TGM4: variants seen among roughly 807,000 people sequenced by gnomAD.
The protein encoded by TGM4 is protein-glutamine gamma-glutamyltransferase 4.
A neutral mutation model predicts 76.3 loss-of-function variants in TGM4; 61 were observed. The observed-to-expected ratio is 0.80, with a 90% CI of 0.65 to 0.99. TGM4 has a LOEUF of 0.99. Among genes scored for constraint, TGM4 ranks in the 50% least tolerant of loss-of-function variants. The pLI is 0.00. For synonymous variants in TGM4, 337 were observed against 329.8 expected, an observed-to-expected ratio of 1.02 and a Z score of -0.24; for missense variants, 794 against 843.2, an observed-to-expected ratio of 0.94 and a Z score of 0.72.
At chr3:44,902,650 A>G (rs1324016435) in intron 8 of TGM4, among the ~76,000 whole-genome samples, 2 of 121,522 alleles carry the variant, frequency 1.6e-5, no homozygotes, top group African/African-American at 6.2e-5. Context: ...AGATTCCTGT[A>G]CTGGAGCTTT....
intron 10 of TGM4, among the ~76,000 whole-genome samples, chr3:44,908,359 A>G (rs1699953701): frequency 6.6e-6 from 1 of 151,812 alleles, no homozygotes; most frequent in Non-Finnish European, 1.5e-5. Context: ...GATTAAAAGC[A>G]ATTAGGTCAG....
intron 6 of TGM4, among the ~76,000 whole-genome samples, chr3:44,901,197 A>G (rs776072372): frequency 6.6e-6 from 1 of 152,216 alleles, no homozygotes; most frequent in African/African-American, 2.4e-5. Context: ...CCGAGCTCAC[A>G]CCACTGTACT....
rs758057520 is a variant in TGM4 at position 44,893,579 on chromosome 3, G to A, written c.433G>A (p.Asp145Asn). The change falls in exon 5 of 14, where the codon GAC becomes AAC. Residue 145 changes from aspartate (D) to asparagine (N), a missense_variant and splice_region_variant. Coordinates refer to ENST00000296125, the MANE Select transcript of TGM4 (RefSeq NM_003241.4). ...GTGGATGTGTGGTCTTGCTTCAGAG[G>A]ACATGGTTTTCATGCCTGATGAGGA... ...YLLFNPWCKE[D>N]MVFMPDEDER... The A allele has an allele frequency of 6.2e-7, 1 of 1,613,560 alleles. No homozygotes were observed. The highest frequency in any genetic ancestry group is 1.7e-5 in the Admixed American group (1 of 60,012).
intron 6 of TGM4, among the ~76,000 whole-genome samples, chr3:44,900,036 C>G (rs895392692): frequency 1.3e-5 from 2 of 152,182 alleles, no homozygotes; most frequent in Non-Finnish European, 2.9e-5. Flanking sequence ...TCGGTGACTG[C>G]CTACCATGCC....
In TGM4 at chr3:44,914,974, A is replaced by G. The variant is rs1700069212; in HGVS notation, c.*1249A>G. ...CTGGCATACAGTAGGTGTTCAATAAATGTTTATTGAAGGAAAGGTGACTGT... is the reference window on the plus strand; with the variant it reads ...CTGGCATACAGTAGGTGTTCAATAAGTGTTTATTGAAGGAAAGGTGACTGT... On this transcript the variant is annotated 3_prime_UTR_variant, in exon 14 of 14. Coordinates refer to ENST00000296125, the MANE Select transcript of TGM4 (RefSeq NM_003241.4). 1 of 152,168 alleles carries G rather than the reference A, an allele frequency of 6.6e-6. No individual in the cohort carries two copies. Among genetic ancestry groups the G allele is most frequent in the South Asian group, 2.1e-4 (1 of 4,826 alleles). 9.4% of individuals were successfully genotyped at this position (152,168 alleles called of 1,614,324 possible). A position where few individuals can be genotyped will look rare whatever the true frequency, so the allele number is the denominator to read the frequency against.
At chr3:44,901,286 C>A (rs1280979690) in intron 6 of TGM4, among the ~76,000 whole-genome samples, 1 of 152,202 alleles carries the variant, frequency 6.6e-6, no homozygotes, top group Admixed American at 6.5e-5. Context: ...TAATGATCAT[C>A]ATTTTACAAG....
Position 44,901,855 on chromosome 3 carries a change from G to A in TGM4, c.895G>A (p.Glu299Lys). ...AGGCTTCGATTCAGCTCACGACACA[G>A]AAAGGAACCTCACGGTGGACACCTA... ...VTGFDSAHDT[E>K]RNLTVDTYVN... The change falls in exon 8 of 14, where the codon GAA (glutamate) becomes AAA (lysine). Residue 299 changes from glutamate (E) to lysine (K), a missense_variant. Glu to Lys is a moderately conservative substitution (Grantham distance 56, BLOSUM62 1). Coordinates refer to ENST00000296125, the MANE Select transcript of TGM4 (RefSeq NM_003241.4). 1 of 1,614,182 alleles carries A rather than the reference G, an allele frequency of 6.2e-7. No individual in the cohort carries two copies. Among genetic ancestry groups the A allele is most frequent in the South Asian group, 1.1e-5 (1 of 91,080 alleles).
chr3:44,878,056 T>C (rs1478278348), intron 1 of TGM4, among the ~76,000 whole-genome samples: 1 of 150,996 alleles, frequency 6.6e-6, no homozygotes. Context: ...GAGGATGAGG[T>C]GAGAGGATTG....
chr3:44,885,413 C>T lies in TGM4; in HGVS notation c.108C>T (p.Phe36=). ...TWEFQTSSPV[F]RRGQVFHLRL... The stretch of plus-strand genomic sequence containing the variant: ...AGTTCCAAACGAGCAGTCCTGTGTT[C>T]CGGCGAGGACAGGTGTTTCACCTGC... The change falls in exon 2 of 14, where the codon TTC becomes TTT. Residue 36 remains phenylalanine, a synonymous_variant. Coordinates refer to ENST00000296125, the MANE Select transcript of TGM4 (RefSeq NM_003241.4). 6.2e-7 allele frequency: 1 copy of T among 1,613,900 alleles called. No homozygotes were observed. Among genetic ancestry groups the T allele is most frequent in the South Asian group, 1.1e-5 (1 of 91,062 alleles).
chr3:44,877,882 A>G (rs747496573), intron 1 of TGM4, among the ~76,000 whole-genome samples: 5 of 152,238 alleles, frequency 3.3e-5, no homozygotes, highest in Non-Finnish European at 7.3e-5. Context: ...ACATTGTAGC[A>G]TATAAGATTT....
intron 6 of TGM4, among the ~76,000 whole-genome samples, 190 bp downstream of exon 6, chr3:44,897,006 T>A (rs1448887309): frequency 6.8e-6 from 1 of 147,280 alleles, no homozygotes; most frequent in African/African-American, 2.5e-5. Flanking sequence ...TTTTCTTTTT[T>A]TTTTTTTTTT....
chr3:44,910,637 T>C (rs1699991073), intron 11 of TGM4, among the ~76,000 whole-genome samples: 1 of 152,162 alleles, frequency 6.6e-6, no homozygotes, highest in Admixed American at 6.5e-5. Flanking sequence ...AAGTCTTCTA[T>C]GGTGGCAGAA....
chr3:44,910,640 T>C (rs1461050294), intron 11 of TGM4, among the ~76,000 whole-genome samples: 1 of 152,112 alleles, frequency 6.6e-6, no homozygotes, highest in Non-Finnish European at 1.5e-5. Flanking sequence ...TCTTCTATGG[T>C]GGCAGAAATT....
rs757935268 is a variant in TGM4 at position 44,907,185 on chromosome 3, T to A, written c.1312T>A (p.Tyr438Asn). The A allele has an allele frequency of 6.2e-7, 1 of 1,613,218 alleles. No homozygotes were observed. Among genetic ancestry groups the A allele is most frequent in the East Asian group, 2.2e-5 (1 of 44,814 alleles). The change falls in exon 10 of 14, where the codon TAC (tyrosine) becomes AAC (asparagine). Residue 438 changes from tyrosine to asparagine, a missense_variant. Tyr to Asn is a moderately radical substitution (Grantham distance 143, BLOSUM62 -2). Coordinates refer to ENST00000296125, the MANE Select transcript of TGM4 (RefSeq NM_003241.4). The stretch of plus-strand genomic sequence containing the variant: ...CAGGCGGAGAGATATCACCTATGAG[T>A]ACAAGTATCCAGAAGGTGCTAGCAT... ...QDRRRDITYEYKYPEGSSEER... is the reference protein window; with the variant it reads ...QDRRRDITYENKYPEGSSEER...
At chr3:44,883,829 G>A (rs974559115) in intron 1 of TGM4, among the ~76,000 whole-genome samples, 111 of 152,210 alleles carry the variant, frequency 7.3e-4, no homozygotes, top group African/African-American at 2.5e-3. Flanking sequence ...TGATGTGGGC[G>A]TGACCACTCC....
intron 10 of TGM4, among the ~76,000 whole-genome samples, chr3:44,907,503 C>G (rs1355216764): frequency 6.6e-6 from 1 of 151,912 alleles, no homozygotes; most frequent in Admixed American, 6.6e-5. Context: ...AAAGACAAAT[C>G]CTAATTGAGG....
Position 44,901,845 on chromosome 3 carries a change from T to A in TGM4, c.885T>A (p.Ala295=), listed in dbSNP as rs1434215607. ...GCAGTGTGACAGGCTTCGATTCAGCTCACGACACAGAAAGGAACCTCACGG... is the reference window on the plus strand; with the variant it reads ...GCAGTGTGACAGGCTTCGATTCAGCACACGACACAGAAAGGAACCTCACGG... The part of the protein sequence containing the change: ...PARSVTGFDS[A]HDTERNLTVD... Residue 295 remains alanine, a synonymous_variant, in exon 8 of 14, where the codon GCT becomes GCA. Transcript: ENST00000296125. The A allele has an allele frequency of 6.2e-7, 1 of 1,613,920 alleles. No homozygotes were observed. Among genetic ancestry groups the A allele is most frequent in the African/African-American group, 1.3e-5 (1 of 74,882 alleles).
chr3:44,877,558 C>G (rs2125745507), intron 1 of TGM4, among the ~76,000 whole-genome samples: 1 of 151,688 alleles, frequency 6.6e-6, no homozygotes, highest in East Asian at 1.9e-4. Flanking sequence ...CAACACTGCA[C>G]TTCAGCCTGG....
chr3:44,892,495 C>T (rs1699716145), intron 4 of TGM4, among the ~76,000 whole-genome samples: 1 of 151,024 alleles, frequency 6.6e-6, no homozygotes, highest in Non-Finnish European at 1.5e-5. Flanking sequence ...CTCAGCCTCC[C>T]AAGTAGCTGG....
Sources: allele counts gnomAD v4.1 joint callset (sites outside exome capture counted in the v4.1 genomes callset), GRCh38; gene constraint gnomAD v4.1.1; transcripts MANE v1.5; gene names NCBI Gene and HGNC (gene_info 2026-07-23, HGNC 2026-07-21).